Variants in UBTD2 observed in about 807,000 individuals in gnomAD.
The protein encoded by UBTD2 is ubiquitin domain containing 2, also known as ubiquitin domain-containing protein 2.
UBTD2 carries 9 observed loss-of-function variants against 19.8 expected under a neutral mutation model. The observed-to-expected ratio is 0.46, with a 90% CI of 0.27 to 0.79. The LOEUF (loss-of-function observed/expected upper bound fraction) is 0.79. Ranked by LOEUF, UBTD2 falls within the 30% of genes least tolerant of loss-of-function variation. The probability of loss-of-function intolerance (pLI) is 0.14; values close to 1 mark genes in which losing one functional copy is unlikely to be tolerated. For synonymous variants in UBTD2, 98 were observed against 103.9 expected, an observed-to-expected ratio of 0.94 and a Z score of 0.35; for missense variants, 250 against 300.4, an observed-to-expected ratio of 0.83 and a Z score of 1.24.
At position 172,283,750 on chromosome 5, in the gene UBTD2, CGCCGA is replaced by C. The variant is rs1755775583; in HGVS notation, c.-90_-86del. 1.0e-5 allele frequency: 10 copies of C among 993,008 alleles called. No individual in the cohort carries two copies. Among genetic ancestry groups the C allele is most frequent in the Non-Finnish European group, 1.3e-5 (10 of 797,380 alleles). The allele number at this position is 993,008 out of a possible 1,614,324, so 61.5% of individuals were successfully genotyped here. On this transcript the variant is annotated 5_prime_UTR_variant, in exon 1 of 3. Transcript: ENST00000393792. The surrounding 1 kb of genome is among the most constrained non-coding windows in gnomAD (Gnocchi z 4.3). The stretch of plus-strand genomic sequence containing the variant: ...CCGCTGCAGCCTCCTCCGGCGCCAC[CGCCGA>C]GCTCCGGACAGGCGCGCCGCTCCGC...
upstream of UBTD2, chr5:172,283,804 G>GC: frequency 2.6e-6 from 1 of 388,028 alleles, no homozygotes; most frequent in Non-Finnish European, 3.6e-6. This position sits in a 1 kb window ranked among gnomAD's most constrained non-coding sequence, Gnocchi z 4.3. Context: ...CCCAGCCTCC[G>GC]CCCCCCTCGC....
chr5:172,212,668 C>G (rs190145651), intron 2 of UBTD2, among the ~76,000 whole-genome samples: 59 of 152,204 alleles, frequency 3.9e-4, no homozygotes, highest in African/African-American at 1.3e-3. Flanking sequence ...TTCTTTTATT[C>G]TTTTTCTTTT....
intron 1 of UBTD2, among the ~76,000 whole-genome samples, chr5:172,236,355 T>C (rs1444733063): frequency 6.6e-6 from 1 of 152,236 alleles, no homozygotes; most frequent in Non-Finnish European, 1.5e-5. Context: ...AATCAACAAA[T>C]ATGTACTGAG....
intron 1 of UBTD2, among the ~76,000 whole-genome samples, chr5:172,253,917 G>GA (rs996631922): frequency 1.3e-5 from 2 of 150,860 alleles, no homozygotes; most frequent in African/African-American, 4.9e-5. Flanking sequence ...GCAACCCTAG[G>GA]AAAAAAAAAG....
At chr5:172,215,822 G>A (rs1011583387) in intron 2 of UBTD2, among the ~76,000 whole-genome samples, 2 of 152,156 alleles carry the variant, frequency 1.3e-5, no homozygotes, top group Non-Finnish European at 2.9e-5. Flanking sequence ...GGGCTTACTG[G>A]TAACTGAACA....
chr5:172,279,270 A>G (rs1755665819), intron 1 of UBTD2, among the ~76,000 whole-genome samples: 1 of 152,260 alleles, frequency 6.6e-6, no homozygotes. Flanking sequence ...CTATTTTTGC[A>G]CTAACGTAAT....
At chr5:172,238,455 C>T (rs1772055548) in intron 1 of UBTD2, among the ~76,000 whole-genome samples, 1 of 152,100 alleles carries the variant, frequency 6.6e-6, no homozygotes. Context: ...AGAAAATATC[C>T]TTTCCCCCAT....
chr5:172,219,753 G>C (rs574625217), intron 2 of UBTD2, among the ~76,000 whole-genome samples: 2 of 152,328 alleles, frequency 1.3e-5, no homozygotes, highest in Admixed American at 6.5e-5. Flanking sequence ...ACTCATGCTA[G>C]TTTTGCCGTG....
Position 172,283,630 on chromosome 5 carries a change from C to A in UBTD2, c.36G>T (p.Ser12=). The A allele has an allele frequency of 2.3e-6, 3 of 1,293,240 alleles. No homozygotes were observed. The highest frequency in any genetic ancestry group is 3.0e-6 in the Non-Finnish European group (3 of 1,012,200). The allele number at this position is 1,293,240 out of a possible 1,614,324, so 80.1% of individuals were successfully genotyped here. A position where few individuals can be genotyped will look rare whatever the true frequency, so the allele number is the denominator to read the frequency against. The change falls in exon 1 of 3, where the codon TCG becomes TCT. Residue 12 remains serine (S), a synonymous_variant. Coordinates refer to ENST00000393792, the MANE Select transcript of UBTD2 (RefSeq NM_152277.3). This position sits in a 1 kb window ranked among gnomAD's most constrained non-coding sequence, Gnocchi z 4.3. ...CCTCCGAGTTCTCGTTGAGGCTGCC[C>A]GAGGAGTCGTGCTGGGCGCCCACAC... is the stretch of plus-strand genomic sequence containing the variant. The part of the protein sequence containing the change: ...GGCVGAQHDS[S]GSLNENSEGT...
At chr5:172,217,530 C>T (rs562493396) in intron 2 of UBTD2, among the ~76,000 whole-genome samples, 72 of 152,064 alleles carry the variant, frequency 4.7e-4, no homozygotes, top group Middle Eastern at 6.8e-3. Flanking sequence ...GTCACCTAGA[C>T]TATAATACAC....
At chr5:172,273,463 C>T (rs758789285) in intron 1 of UBTD2, among the ~76,000 whole-genome samples, 9 of 151,824 alleles carry the variant, frequency 5.9e-5, no homozygotes, top group South Asian at 2.1e-4. Context: ...TGGTGGCACA[C>T]GCCTGTAATC....
At chr5:172,245,219 T>C (rs1007424144) in intron 1 of UBTD2, among the ~76,000 whole-genome samples, 2 of 152,182 alleles carry the variant, frequency 1.3e-5, no homozygotes, top group African/African-American at 4.8e-5. Context: ...TCCAGTTACA[T>C]GGAACCATCT....
chr5:172,258,264 C>T (rs964902883), intron 1 of UBTD2, among the ~76,000 whole-genome samples: 1 of 152,118 alleles, frequency 6.6e-6, no homozygotes, highest in Non-Finnish European at 1.5e-5. Flanking sequence ...GAGTCCTTTC[C>T]CCACTGCTTA....
intron 2 of UBTD2, among the ~76,000 whole-genome samples, chr5:172,231,489 A>C (rs562501669): frequency 2.6e-4 from 39 of 152,342 alleles, no homozygotes; most frequent in Non-Finnish European, 4.9e-4. Flanking sequence ...TTTTCCACAG[A>C]GAAGCAGAAA....
At chr5:172,214,263 T>C (rs1327253625) in intron 2 of UBTD2, among the ~76,000 whole-genome samples, 2 of 152,232 alleles carry the variant, frequency 1.3e-5, no homozygotes, top group East Asian at 1.9e-4. Flanking sequence ...TTGTGTTTAA[T>C]GTCAATAGGA....
At chr5:172,254,032 C>A (rs141162968) in intron 1 of UBTD2, among the ~76,000 whole-genome samples, 17 of 152,126 alleles carry the variant, frequency 1.1e-4, no homozygotes, top group Admixed American at 1.1e-3. Context: ...AGATTCAGAC[C>A]GGCTGAATCA....
intron 1 of UBTD2, among the ~76,000 whole-genome samples, chr5:172,251,866 G>T (rs1231710803): frequency 6.6e-6 from 1 of 152,174 alleles, no homozygotes; most frequent in Non-Finnish European, 1.5e-5. Flanking sequence ...GATGGTTCCT[G>T]AAGTATAGGG....
At chr5:172,265,888 T>A (rs146885800) in intron 1 of UBTD2, among the ~76,000 whole-genome samples, 2 of 151,988 alleles carry the variant, frequency 1.3e-5, no homozygotes, top group East Asian at 3.9e-4. Flanking sequence ...GGGAGGGGCA[T>A]GCTAGTTTTA....
At chr5:172,230,179 G>A (rs1407194954) in intron 2 of UBTD2, among the ~76,000 whole-genome samples, 3 of 152,082 alleles carry the variant, frequency 2.0e-5, no homozygotes, top group Non-Finnish European at 4.4e-5. Flanking sequence ...AAAATTAACA[G>A]GTAGTTATGA....
Sources: gnomAD v4.1 joint callset for allele counts (sites outside exome capture counted in the v4.1 genomes callset) on GRCh38, gnomAD v4.1.1 for gene constraint, Gnocchi (gnomAD v3.1) non-coding constraint, MANE v1.5 for transcripts, NCBI Gene and HGNC (gene_info 2026-07-23, HGNC 2026-07-21) for gene names.